The following FAT3 variants were observed in gnomAD, a reference collection of about 807,000 sequenced individuals.
The protein encoded by FAT3 is FAT atypical cadherin 3, also known as protocadherin Fat 3.
A neutral mutation model predicts 310.2 loss-of-function variants in FAT3; 95 were observed. The ratio of observed to expected loss-of-function variants is 0.31; its 90% CI spans 0.26 to 0.36. The LOEUF (loss-of-function observed/expected upper bound fraction) is 0.36, where lower values mean the gene tolerates loss of function less well. Among genes scored for constraint, FAT3 ranks in the 10% least tolerant of loss-of-function variants. FAT3 has a pLI of 1.00. For synonymous variants in FAT3, 2,314 were observed against 2,192.9 expected (o/e 1.06, Z -1.54); for missense variants, 5,408 against 5,715.6 (o/e 0.95, Z 1.74).
chr11:92,671,374 T>C (rs948229415), intron 3 of FAT3, among the ~76,000 whole-genome samples: 3 of 152,096 alleles, frequency 2.0e-5, no homozygotes, highest in Admixed American at 2.0e-4. Flanking sequence ...GTTTCACTAG[T>C]TCATCAAGTT....
intron 1 of FAT3, among the ~76,000 whole-genome samples, chr11:92,229,138 T>C (rs1025884640): frequency 6.6e-6 from 1 of 152,198 alleles, no homozygotes; most frequent in African/African-American, 2.4e-5. Context: ...CAGATATGCA[T>C]GGTCTTAAAA....
rs1037178571 is a variant in FAT3, at chr11:92,349,287, G to A, written c.-17-2809G>A. 2.6e-5 allele frequency among the ~76,000 whole-genome samples: 4 copies of A among 152,266 alleles called. No individual in the cohort carries two copies. The East Asian group carries it at 7.7e-4, about 29-fold the overall frequency. ...CTTCACATTCCCTTACGAGAGACTC[G>A]CTTACTTTACCGTGTTCACATGTCC... On this transcript the variant is annotated intron_variant, in intron 1 of 27. Coordinates refer to ENST00000525166, the MANE Select transcript of FAT3 (RefSeq NM_001367949.2).
rs772125511 is a variant in FAT3, at chr11:92,799,622, A to G, written c.6609A>G (p.Thr2203=). The G allele has an allele frequency of 6.2e-7, 1 of 1,613,758 alleles. No homozygotes were observed. The highest frequency in any genetic ancestry group is 8.5e-7 in the Non-Finnish European group (1 of 1,179,822). Residue 2203 remains threonine, a synonymous_variant, in exon 10 of 28, where the codon ACA becomes ACG. Transcript: ENST00000525166. ...TCAATGAAGACATCAGAATGAACAC[A>G]CCCATCCTAAGCATCAATGCCACCA... is the stretch of plus-strand genomic sequence containing the variant. ...ASVNEDIRMN[T]PILSINATSP... is the part of the protein sequence containing the mutation.
chr11:92,357,731 C>T (rs1471881661), intron 2 of FAT3, among the ~76,000 whole-genome samples: 1 of 151,672 alleles, frequency 6.6e-6, no homozygotes, highest in African/African-American at 2.4e-5. Flanking sequence ...TTACCTGATA[C>T]AGTGAAAAGT....
At position 92,302,961 on chromosome 11, in the gene FAT3, G is replaced by C. The variant is rs1368116161; in HGVS notation, c.-17-49135G>C. Among the ~76,000 whole-genome samples the C allele has an allele frequency of 3.3e-5, 5 of 152,232 alleles. No homozygotes were observed. The Middle Eastern group carries it at 0.017, about 518-fold the overall frequency. ...TAGCTAATGAACAGAGCGGGTGCCT[G>C]TGGAAAAATAGGTTGGTAGCACTAT... On this transcript the variant is annotated intron_variant, in intron 1 of 27. Transcript: ENST00000525166.
chr11:92,607,083 T>C (rs1327227972), intron 3 of FAT3, among the ~76,000 whole-genome samples: 1 of 152,224 alleles, frequency 6.6e-6, no homozygotes, highest in Non-Finnish European at 1.5e-5. Context: ...AGTGTTCACC[T>C]AAATAGCCTA....
chr11:92,551,417 TGTG>T (rs1954816071), intron 3 of FAT3, among the ~76,000 whole-genome samples: 1 of 39,450 alleles, frequency 2.5e-5, no homozygotes, highest in South Asian at 1.7e-3. Flanking sequence ...TTTTGTTTTG[TGTG>T]TGTGTGTGTG....
intron 2 of FAT3, among the ~76,000 whole-genome samples, chr11:92,388,964 G>A (rs1425369469): frequency 6.6e-6 from 1 of 151,960 alleles, no homozygotes; most frequent in African/African-American, 2.4e-5. Flanking sequence ...GCTTTCTATG[G>A]CAGTTTCTTA....
chr11:92,705,958 G>T (rs930983872), intron 4 of FAT3, among the ~76,000 whole-genome samples: 3 of 129,572 alleles, frequency 2.3e-5, no homozygotes, highest in Non-Finnish European at 3.3e-5. Flanking sequence ...TGTGGTGGTT[G>T]TGATGGTGAT....
intron 2 of FAT3, among the ~76,000 whole-genome samples, chr11:92,404,082 G>C (rs1366181975): frequency 1.3e-5 from 2 of 151,806 alleles, no homozygotes; most frequent in Non-Finnish European, 2.9e-5. Flanking sequence ...GGAGGGAAAA[G>C]TTGTATATCC....
At chr11:92,619,674 A>G (rs1940991357) in intron 3 of FAT3, among the ~76,000 whole-genome samples, 1 of 151,590 alleles carries the variant, frequency 6.6e-6, no homozygotes, top group Admixed American at 6.6e-5. Context: ...ATATGTCCCT[A>G]TGATCTCTTT....
chr11:92,635,486 A>C (rs972361745), intron 3 of FAT3, among the ~76,000 whole-genome samples: 13 of 152,216 alleles, frequency 8.5e-5, no homozygotes, highest in Middle Eastern at 3.2e-3. Context: ...ATCAGGAATC[A>C]CTGTCTGATG....
chr11:92,751,248 G>C (rs1945820163), intron 4 of FAT3, among the ~76,000 whole-genome samples: 1 of 152,192 alleles, frequency 6.6e-6, no homozygotes, highest in African/African-American at 2.4e-5. Flanking sequence ...TCACCCTTCT[G>C]TGCCCTGTTT....
At chr11:92,335,579 A>G (rs982818615) in intron 1 of FAT3, among the ~76,000 whole-genome samples, 2 of 152,202 alleles carry the variant, frequency 1.3e-5, no homozygotes, top group African/African-American at 4.8e-5. Flanking sequence ...AGGCTTATTT[A>G]GAAACATATA....
intron 1 of FAT3, among the ~76,000 whole-genome samples, chr11:92,239,964 CATA>C (rs1333027332): frequency 7.9e-5 from 12 of 152,164 alleles, no homozygotes; most frequent in Non-Finnish European, 4.4e-5. Context: ...GAAGTAGATT[CATA>C]ATGTCTGGTG....
chr11:92,278,408 A>G (rs1164091732), intron 1 of FAT3, among the ~76,000 whole-genome samples: 1 of 151,984 alleles, frequency 6.6e-6, no homozygotes, highest in African/African-American at 2.4e-5. Context: ...TTTTATAGGT[A>G]GGCCTGTGTT....
intron 1 of FAT3, among the ~76,000 whole-genome samples, chr11:92,339,160 A>G (rs1284342986): frequency 6.6e-6 from 1 of 152,146 alleles, no homozygotes; most frequent in Non-Finnish European, 1.5e-5. Context: ...GTATTGACAT[A>G]TTAGGCATGT....
chr11:92,371,312 A>G (rs1949180596), intron 2 of FAT3, among the ~76,000 whole-genome samples: 1 of 152,226 alleles, frequency 6.6e-6, no homozygotes, highest in Admixed American at 6.5e-5. Context: ...AAGGTTTCAC[A>G]GCTTGTGGTG....
chr11:92,576,266 G>T (rs1261469994), intron 3 of FAT3, among the ~76,000 whole-genome samples: 1 of 152,122 alleles, frequency 6.6e-6, no homozygotes, highest in Non-Finnish European at 1.5e-5. Context: ...AACCTCTAGA[G>T]AATATTTAGT....
Sources: allele counts gnomAD v4.1 joint callset (sites outside exome capture counted in the v4.1 genomes callset), GRCh38; gene constraint gnomAD v4.1.1; transcripts MANE v1.5; gene names NCBI Gene and HGNC (gene_info 2026-07-23, HGNC 2026-07-21).